SLCO1B3: variants seen among roughly 807,000 people sequenced by gnomAD.
The protein encoded by SLCO1B3 is liver-specific organic anion transporter 2.
Under a neutral mutation model 71.8 loss-of-function variants are expected in SLCO1B3, and 72 were observed. That is an observed-to-expected ratio of 1.00 (90% CI 0.83 to 1.22). The LOEUF (loss-of-function observed/expected upper bound fraction) is 1.22, where lower values mean the gene tolerates loss of function less well. Ranked by LOEUF, SLCO1B3 falls within the 50% of genes most tolerant of loss-of-function variation. SLCO1B3 has a pLI of 0.00. For synonymous variants in SLCO1B3, 298 were observed against 278.4 expected (o/e 1.07, Z -0.70); for missense variants, 911 against 819.7 (o/e 1.11, Z -1.36).
intron 3 of SLCO1B3, among the ~76,000 whole-genome samples, chr12:20,824,361 G>A (rs974084778): frequency 1.5e-4 from 23 of 152,008 alleles, no homozygotes; most frequent in African/African-American, 5.3e-4. Context: ...CTCCATGAAA[G>A]GCCTGGACAT....
intron 3 of SLCO1B3, among the ~76,000 whole-genome samples, chr12:20,846,770 G>C (rs1864928839): frequency 6.6e-6 from 1 of 151,802 alleles, no homozygotes; most frequent in Non-Finnish European, 1.5e-5. Flanking sequence ...GGGCAGGGGA[G>C]TTATTTTTTA....
chr12:20,881,607 AT>A, intron 12 of SLCO1B3, among the ~76,000 whole-genome samples: 1 of 152,190 alleles, frequency 6.6e-6, no homozygotes, highest in Non-Finnish European at 1.5e-5. Context: ...ACTCAGTATA[AT>A]TTAGTATCCT....
At chr12:20,912,498 T>A (rs1340211621) in intron 15 of SLCO1B3, among the ~76,000 whole-genome samples, 1 of 144,678 alleles carries the variant, frequency 6.9e-6, no homozygotes, top group Non-Finnish European at 1.5e-5. Context: ...CTGGCTAATT[T>A]TTTTTTTTTT....
intron 12 of SLCO1B3, 88 bp downstream of exon 12, chr12:20,881,108 A>G: frequency 1.1e-6 from 1 of 920,130 alleles, no homozygotes; most frequent in South Asian, 2.0e-5. Context: ...TCCTATAACT[A>G]AGGTCTCCAA....
intron 8 of SLCO1B3, among the ~76,000 whole-genome samples, chr12:20,869,805 A>T (rs140451196): frequency 1.3e-5 from 2 of 152,196 alleles, no homozygotes; most frequent in Non-Finnish European, 2.9e-5. Context: ...ACAAATGGAA[A>T]TATCTCTGTG....
At chr12:20,848,278 A>G (rs1310605465) in intron 3 of SLCO1B3, among the ~76,000 whole-genome samples, 3 of 152,204 alleles carry the variant, frequency 2.0e-5, no homozygotes, top group Admixed American at 6.5e-5. Context: ...AATTCAAACA[A>G]TGAGCTTTCA....
In SLCO1B3 at chr12:20,876,822, C is replaced by A. The variant is rs183253830; in HGVS notation, c.971-950C>A. Among the ~76,000 whole-genome samples, 499 of 152,104 alleles carry A rather than the reference C, an allele frequency of 3.3e-3. 4 individuals are homozygous for A. Among genetic ancestry groups the A allele is most frequent in the African/African-American group, 0.012 (484 of 41,494 alleles). ...GCTATGTTTCTACTTTAATCAAATC[C>A]ATAACAATTGATGAATTTTTTTTTT... On this transcript the variant is annotated intron_variant, in intron 9 of 15. Coordinates refer to ENST00000381545, the MANE Select transcript of SLCO1B3 (RefSeq NM_019844.4).
chr12:20,875,571 A>G, intron 9 of SLCO1B3, 94 bp downstream of exon 9: 1 of 1,286,656 alleles, frequency 7.8e-7, no homozygotes, highest in East Asian at 2.4e-5. Context: ...CAAATCATCT[A>G]GAGTCAGCTT....
chr12:20,815,561 C>T, intron 2 of SLCO1B3, 113 bp from the exon 3 acceptor site: 2 of 505,576 alleles, frequency 4.0e-6, no homozygotes, highest in Middle Eastern at 5.4e-4. Context: ...ATAGCAGGCC[C>T]TGAATGAATA....
chr12:20,896,992 A>G (rs1433163065), intron 13 of SLCO1B3, among the ~76,000 whole-genome samples: 1 of 152,188 alleles, frequency 6.6e-6, no homozygotes, highest in Non-Finnish European at 1.5e-5. Flanking sequence ...GAGACTTATT[A>G]TCATGAGAAC....
Position 20,875,485 on chromosome 12 carries a change from TTTGACATTCA to T in SLCO1B3, c.970+12_970+21del, listed in dbSNP as rs757534726. The T allele has an allele frequency of 1.1e-5, 17 of 1,592,884 alleles. No homozygotes were observed. Among genetic ancestry groups the T allele is most frequent in the Non-Finnish European group, 1.4e-5 (16 of 1,175,378 alleles). ...TTACCAAAAATGTGACTGGTAGGTA[TTTGACATTCA>T]TTGTCAACTTGGAATTGTTAATCTC... On this transcript the variant is annotated intron_variant, in intron 9 of 15. Coordinates refer to ENST00000381545, the MANE Select transcript of SLCO1B3 (RefSeq NM_019844.4).
intron 7 of SLCO1B3, 45 bp downstream of exon 7, chr12:20,862,603 T>A (rs1378770566): frequency 6.5e-7 from 1 of 1,535,486 alleles, no homozygotes; most frequent in East Asian, 2.3e-5. Context: ...ATTCCCTGGA[T>A]CTACCCTTGA....
In SLCO1B3 at chr12:20,881,017, T is replaced by A. The variant is rs1865683822; in HGVS notation, c.1494T>A (p.His498Gln). ...AATCCTCAAGTGGTATTAAAAAGCA[T>A]ACAGTGAGTATTAGTTTTCACTTTT... ...GCKSSSGIKK[H>Q]TVFYNCSCVE... Residue 498 changes from histidine to glutamine, a missense_variant, in exon 12 of 16, where the codon CAT becomes CAA. His to Gln is a conservative substitution (Grantham distance 24, BLOSUM62 0). Transcript: ENST00000381545. 6.3e-7 allele frequency: 1 copy of A among 1,599,030 alleles called. No homozygotes were observed. The highest frequency in any genetic ancestry group is 1.7e-5 in the Admixed American group (1 of 57,686).
In SLCO1B3 at chr12:20,879,507, T is replaced by C. The variant is rs1865648417; in HGVS notation, c.1207T>C (p.Ser403Pro). The change falls in exon 11 of 16, where the codon TCT (serine) becomes CCT (proline). Residue 403 changes from serine to proline, a missense_variant. Coordinates refer to ENST00000381545, the MANE Select transcript of SLCO1B3 (RefSeq NM_019844.4). ...ATTTATCATTAAAAAATTCAAATTG[T>C]CTTTAGTTGGAATTGCCAAATTTTC... is the stretch of plus-strand genomic sequence containing the variant. ...GGFIIKKFKL[S>P]LVGIAKFSFL... 3 of 1,611,356 alleles carry C rather than the reference T, an allele frequency of 1.9e-6. No homozygotes were observed. The highest frequency in any genetic ancestry group is 2.5e-6 in the Non-Finnish European group (3 of 1,177,676).
chr12:20,865,144 T>C lies in SLCO1B3; in HGVS notation c.727+2290T>C, dbSNP rs568716723. Among the ~76,000 whole-genome samples the C allele has an allele frequency of 2.7e-4, 41 of 152,260 alleles. No individual in the cohort carries two copies. In the Middle Eastern group the frequency reaches 0.01, roughly 38 times the overall value. On this transcript the variant is annotated intron_variant, in intron 8 of 15. Transcript: ENST00000381545. ...GCTTGGTTATGACCTTTAGTTCCTATATATAGACCAGTGAAAGAACCAAAA... is the reference window on the plus strand; with the variant it reads ...GCTTGGTTATGACCTTTAGTTCCTACATATAGACCAGTGAAAGAACCAAAA...
chr12:20,881,080 T>C, intron 12 of SLCO1B3, 60 bp downstream of exon 12: 1 of 1,243,450 alleles, frequency 8.0e-7, no homozygotes. Context: ...TTTGATTTAA[T>C]AAATACTTAT....
chr12:20,849,182 C>T (rs997403064), intron 3 of SLCO1B3, among the ~76,000 whole-genome samples: 1 of 151,720 alleles, frequency 6.6e-6, no homozygotes, highest in African/African-American at 2.4e-5. Flanking sequence ...AAAATACTAG[C>T]CAATTAATTC....
chr12:20,888,724 C>T (rs7302881), intron 13 of SLCO1B3, among the ~76,000 whole-genome samples: 106,980 of 151,836 alleles, frequency 0.7, 39,905 homozygotes, highest in South Asian at 0.89. Context: ...TCCAATACTA[C>T]GTTGAATACG....
At chr12:20,869,136 G>A (rs1056948895) in intron 8 of SLCO1B3, among the ~76,000 whole-genome samples, 4 of 150,684 alleles carry the variant, frequency 2.7e-5, no homozygotes, top group Non-Finnish European at 5.9e-5. Flanking sequence ...AAACTCCCCC[G>A]GGGAAAGGGT....
Sources: gnomAD v4.1 joint callset for allele counts (sites outside exome capture counted in the v4.1 genomes callset) on GRCh38, gnomAD v4.1.1 for gene constraint, MANE v1.5 for transcripts, NCBI Gene and HGNC (gene_info 2026-07-23, HGNC 2026-07-21) for gene names.